Variants in DENND4C observed in about 807,000 individuals in gnomAD.
The protein encoded by DENND4C is DENN domain-containing protein 4C.
A neutral mutation model predicts 203.0 loss-of-function variants in DENND4C; 108 were observed. That is an observed-to-expected ratio of 0.53 (90% CI 0.46 to 0.62). The LOEUF (loss-of-function observed/expected upper bound fraction) is 0.62. DENND4C is among the 20% of genes least tolerant of loss of function. The pLI, the probability that DENND4C is intolerant of heterozygous loss-of-function variation, is 0.00. For missense variants in DENND4C, 2,481 were observed against 2,301.2 expected (o/e 1.08, Z -1.60); for synonymous variants, 871 against 792.4 (o/e 1.10, Z -1.67).
chr9:19,332,099 T>C lies in DENND4C; in HGVS notation c.2375T>C (p.Val792Ala). The C allele has an allele frequency of 6.2e-7, 1 of 1,613,966 alleles. No homozygotes were observed. Among genetic ancestry groups the C allele is most frequent in the Non-Finnish European group, 8.5e-7 (1 of 1,179,968 alleles). Reference sequence around the variant, plus strand: ...ATTTGTCTTCCGGCCTATGTTAGAGTTTCTCATCCTAAAGTCAGAGCACTT... The same window carrying C: ...ATTTGTCTTCCGGCCTATGTTAGAGCTTCTCATCCTAAAGTCAGAGCACTT... ...WFICLPAYVR[V>A]SHPKVRALQQ... Residue 792 changes from valine (V) to alanine (A), a missense_variant, in exon 17 of 33, where the codon GTT becomes GCT. Physicochemically the swap from Val to Ala is moderately conservative, Grantham distance 64 (BLOSUM62 0). This residue lies in a region of DENND4C where 2,289 missense variants were observed against 2,113.3 expected (regional missense o/e 1.08). Coordinates refer to ENST00000434457, the MANE Select transcript of DENND4C (RefSeq NM_001330640.2).
At chr9:19,329,573 A>G (rs997391146) in intron 16 of DENND4C, among the ~76,000 whole-genome samples, 27 of 152,128 alleles carry the variant, frequency 1.8e-4, no homozygotes, top group African/African-American at 6.5e-4. Flanking sequence ...CTAGGAGTAA[A>G]TTGCTATGTC....
intron 1 of DENND4C, among the ~76,000 whole-genome samples, chr9:19,248,423 C>G (rs1825773399): frequency 6.6e-6 from 1 of 151,868 alleles, no homozygotes; most frequent in South Asian, 2.1e-4. Context: ...GAGTCTTACT[C>G]TTGTTGCCCA....
rs965466082 is a variant in DENND4C, at chr9:19,230,851, G to A, written c.-18+18G>A. The A allele has an allele frequency of 1.3e-5, 2 of 152,710 alleles. No individual in the cohort carries two copies. The highest frequency in any genetic ancestry group is 4.8e-5 in the African/African-American group (2 of 41,596). 9.5% of individuals were successfully genotyped at this position (152,710 alleles called of 1,614,324 possible). ...GGCAGCAGGTGAGGCTGCGGCGCGG[G>A]GCCTTTGGCGGAGGAAGCCTGCGCC... On this transcript the variant is annotated intron_variant, in intron 1 of 32. Transcript: ENST00000434457.
chr9:19,341,017 G>A lies in DENND4C; in HGVS notation c.2907G>A (p.Gly969=). ...STGGQSDQGY[G]SKDELIKDDA... ...GTGGTCAGTCTGACCAAGGATACGG[G>A]TCTAAGGATGAACTTATAAAGGATG... The change falls in exon 21 of 33, where the codon GGG becomes GGA. Residue 969 remains glycine, a synonymous_variant. Coordinates refer to ENST00000434457, the MANE Select transcript of DENND4C (RefSeq NM_001330640.2). 1.9e-6 allele frequency: 3 copies of A among 1,612,824 alleles called. No individual in the cohort carries two copies. Among genetic ancestry groups the A allele is most frequent in the Non-Finnish European group, 2.5e-6 (3 of 1,179,430 alleles).
chr9:19,250,263 TG>T (rs1302797142), intron 1 of DENND4C, among the ~76,000 whole-genome samples: 4 of 152,074 alleles, frequency 2.6e-5, no homozygotes. Flanking sequence ...ACCAATATGG[TG>T]AAACCCCCAT....
chr9:19,238,158 C>T (rs1256956058), intron 1 of DENND4C, among the ~76,000 whole-genome samples: 1 of 151,604 alleles, frequency 6.6e-6, no homozygotes, highest in African/African-American at 2.4e-5. Flanking sequence ...TCTCAGCTCA[C>T]CGCAACCTGT....
chr9:19,272,279 G>T (rs2130847988), intron 1 of DENND4C, among the ~76,000 whole-genome samples: 1 of 151,890 alleles, frequency 6.6e-6, no homozygotes, highest in Non-Finnish European at 1.5e-5. Context: ...AATTAGCCAG[G>T]CGTGGTGGGA....
chr9:19,313,216 CT>C lies in DENND4C; in HGVS notation c.1488-3194del, dbSNP rs35967287. ...TAGAACTTAAAATTAATATTTTACT[CT>C]TTTTTTAAGCAGTAAAGTAGACTTT... On this transcript the variant is annotated intron_variant, in intron 10 of 32. Coordinates refer to ENST00000434457, the MANE Select transcript of DENND4C (RefSeq NM_001330640.2). 3.3e-5 allele frequency among the ~76,000 whole-genome samples: 5 copies of C among 151,946 alleles called. No individual in the cohort carries two copies. In the East Asian group the frequency reaches 7.7e-4, roughly 23 times the overall value.
At chr9:19,231,907 A>G (rs896474408) in intron 1 of DENND4C, among the ~76,000 whole-genome samples, 1 of 152,024 alleles carries the variant, frequency 6.6e-6, no homozygotes, top group African/African-American at 2.4e-5. Context: ...GTCTGTGTAT[A>G]ATGAGAGGGG....
intron 1 of DENND4C, among the ~76,000 whole-genome samples, chr9:19,273,939 A>C (rs567749922): frequency 1.3e-5 from 2 of 152,080 alleles, no homozygotes; most frequent in Non-Finnish European, 2.9e-5. Context: ...CATTATGTCC[A>C]TAAGATTTGT....
At chr9:19,351,102 G>T (rs908432483) in intron 24 of DENND4C, among the ~76,000 whole-genome samples, 1 of 151,900 alleles carries the variant, frequency 6.6e-6, no homozygotes, top group Non-Finnish European at 1.5e-5. Flanking sequence ...GTAACTCCCC[G>T]CTCAATAAGC....
At chr9:19,281,903 A>T (rs761134044) in intron 2 of DENND4C, among the ~76,000 whole-genome samples, 18 of 152,356 alleles carry the variant, frequency 1.2e-4, no homozygotes, top group Non-Finnish European at 1.0e-4. Context: ...TAGAAAAGGT[A>T]CAGAAAAATC....
rs893384083 is a variant in DENND4C, at chr9:19,358,244, C to A, written c.5160+84C>A. ...ACATTATAAATTCTTCTGTAGTGGACTTATTTTAATTACATGAAAAGTGAT... is the reference window on the plus strand; with the variant it reads ...ACATTATAAATTCTTCTGTAGTGGAATTATTTTAATTACATGAAAAGTGAT... On this transcript the variant is annotated intron_variant, in intron 28 of 32. Coordinates refer to ENST00000434457, the MANE Select transcript of DENND4C (RefSeq NM_001330640.2). The surrounding 1 kb of genome is among the most constrained non-coding windows in gnomAD (Gnocchi z 4.8). The A allele has an allele frequency of 1.8e-6, 2 of 1,115,838 alleles. No homozygotes were observed. Among genetic ancestry groups the A allele is most frequent in the Non-Finnish European group, 2.4e-6 (2 of 816,764 alleles). The allele number at this position is 1,115,838 out of a possible 1,614,324, so 69.1% of individuals were successfully genotyped here. A position where few individuals can be genotyped will look rare whatever the true frequency, so the allele number is the denominator to read the frequency against.
rs769178170 is a variant in DENND4C at position 19,290,725 on chromosome 9, A to G, written c.650A>G (p.Glu217Gly). Residue 217 changes from glutamate to glycine, a missense_variant, in exon 5 of 33, where the codon GAA becomes GGA. Glu to Gly is a moderately conservative substitution (Grantham distance 98, BLOSUM62 -2). Around this residue, in one of 3 missense-constraint regions of DENND4C, gnomAD observed 2,289 missense variants for 2,113.3 expected, o/e 1.08. Transcript: ENST00000434457. ...AAAGGTTTAATTTTTAGATATCCAG[A>G]AGAGGACTATGAGTCATTTCCACTC... ...YKAGLIFRYPEEDYESFPLSE... is the reference protein window; with the variant it reads ...YKAGLIFRYPGEDYESFPLSE... The G allele has an allele frequency of 6.6e-7, 1 of 1,503,832 alleles. No individual in the cohort carries two copies. Among genetic ancestry groups the G allele is most frequent in the Admixed American group, 2.3e-5 (1 of 44,242 alleles). 93.2% of individuals were successfully genotyped at this position (1,503,832 alleles called of 1,614,324 possible). A position where few individuals can be genotyped will look rare whatever the true frequency, so the allele number is the denominator to read the frequency against.
At chr9:19,254,920 G>T (rs1185580355) in intron 1 of DENND4C, among the ~76,000 whole-genome samples, 1 of 150,128 alleles carries the variant, frequency 6.7e-6, no homozygotes, top group African/African-American at 2.5e-5. Context: ...TCATCTTGAG[G>T]TCAGGAGTTC....
In DENND4C at chr9:19,287,036, T is replaced by G; in HGVS notation, c.558+15T>G. The G allele has an allele frequency of 2.4e-6, 3 of 1,232,004 alleles. No homozygotes were observed. Among genetic ancestry groups the G allele is most frequent in the Non-Finnish European group, 3.0e-6 (3 of 987,920 alleles). The allele number at this position is 1,232,004 out of a possible 1,614,324, so 76.3% of individuals were successfully genotyped here. On this transcript the variant is annotated intron_variant, in intron 3 of 32. Transcript: ENST00000434457. Reference sequence around the variant, plus strand: ...ATTGTGGAATGGTAAGAATAAAGTTTTCATCTTCAAAGTTTCATATGAAAC... The same window carrying G: ...ATTGTGGAATGGTAAGAATAAAGTTGTCATCTTCAAAGTTTCATATGAAAC...
intron 16 of DENND4C, among the ~76,000 whole-genome samples, chr9:19,330,173 C>G (rs1818747267): frequency 6.6e-6 from 1 of 151,862 alleles, no homozygotes; most frequent in Non-Finnish European, 1.5e-5. Flanking sequence ...ATTTTGCTAA[C>G]TCAGCCTCTA....
At chr9:19,273,715 A>G (rs1832254840) in intron 1 of DENND4C, among the ~76,000 whole-genome samples, 1 of 151,990 alleles carries the variant, frequency 6.6e-6, no homozygotes, top group African/African-American at 2.4e-5. Context: ...TAAAACCAGA[A>G]GTTGATATCA....
chr9:19,324,546 G>C (rs904095582), intron 13 of DENND4C, 39 bp downstream of exon 13: 1 of 1,578,466 alleles, frequency 6.3e-7, no homozygotes, highest in Non-Finnish European at 8.6e-7. Context: ...AGAAAAAAAA[G>C]TTTGCCTTAC....
Sources: allele counts gnomAD v4.1 joint callset (sites outside exome capture counted in the v4.1 genomes callset), GRCh38; gene constraint gnomAD v4.1.1; regional missense constraint gnomAD v4.1.1; non-coding constraint Gnocchi (gnomAD v3.1); transcripts MANE v1.5; gene names NCBI Gene and HGNC (gene_info 2026-07-23, HGNC 2026-07-21).